ALDH1A2: variants seen among roughly 807,000 people sequenced by gnomAD.
ALDH1A2 encodes the protein aldehyde dehydrogenase 1 family member A2, also known as retinal dehydrogenase 2.
In ALDH1A2, 27 loss-of-function variants were observed where a neutral mutation model predicts 60.3. That is an observed-to-expected ratio of 0.45 (90% CI 0.33 to 0.62). The LOEUF (loss-of-function observed/expected upper bound fraction) is 0.62. Among genes scored for constraint, ALDH1A2 ranks in the 20% least tolerant of loss-of-function variants. The pLI, the probability that ALDH1A2 is intolerant of heterozygous loss-of-function variation, is 0.02. For missense variants in ALDH1A2, 581 were observed against 643.8 expected (o/e 0.90, Z 1.06); for synonymous variants, 289 against 232.4 (o/e 1.24, Z -2.21).
At chr15:57,975,730 A>G (rs1595627376) in intron 7 of ALDH1A2, among the ~76,000 whole-genome samples, 2 of 152,316 alleles carry the variant, frequency 1.3e-5, no homozygotes, top group African/African-American at 4.8e-5. Flanking sequence ...CAGCTAGACA[A>G]AAGAGTATAT....
chr15:58,006,214 G>T (rs9635350), intron 4 of ALDH1A2, among the ~76,000 whole-genome samples: 2 of 151,524 alleles, frequency 1.3e-5, no homozygotes, highest in African/African-American at 4.8e-5. Flanking sequence ...ACAGTCTTAC[G>T]CCTTTGCATC....
intron 1 of ALDH1A2, among the ~76,000 whole-genome samples, chr15:58,021,768 T>C (rs371363632): frequency 2.4e-4 from 37 of 152,252 alleles, no homozygotes; most frequent in African/African-American, 8.2e-4. Context: ...AAGCTGGGAG[T>C]GCTCCTGTAG....
At chr15:57,991,100 T>A (rs564455810) in intron 7 of ALDH1A2, among the ~76,000 whole-genome samples, 1 of 152,302 alleles carries the variant, frequency 6.6e-6, no homozygotes, top group South Asian at 2.1e-4. Context: ...TGGTTTCAAT[T>A]TCCTTAAAGT....
At chr15:57,976,937 T>G (rs954534645) in intron 7 of ALDH1A2, among the ~76,000 whole-genome samples, 2 of 152,226 alleles carry the variant, frequency 1.3e-5, no homozygotes, top group Non-Finnish European at 2.9e-5. Context: ...GTTTCCTGAC[T>G]TTTTAATGAT....
chr15:58,023,761 A>G (rs898528539), intron 1 of ALDH1A2, among the ~76,000 whole-genome samples: 16 of 152,168 alleles, frequency 1.1e-4, no homozygotes, highest in Non-Finnish European at 2.1e-4. Flanking sequence ...CAAAGACTGA[A>G]GGAATTCATT....
intron 1 of ALDH1A2, among the ~76,000 whole-genome samples, chr15:58,042,943 T>C (rs560914209): frequency 1.4e-4 from 21 of 152,122 alleles, no homozygotes; most frequent in Non-Finnish European, 2.8e-4. Context: ...TGTCATTTTA[T>C]AGTTTGTTAT....
chr15:58,002,972 G>GTA (rs1895324212), intron 4 of ALDH1A2, among the ~76,000 whole-genome samples: 1 of 151,866 alleles, frequency 6.6e-6, no homozygotes, highest in African/African-American at 2.4e-5. Flanking sequence ...CGCTGAAACT[G>GTA]TATGTTAGTA....
intron 7 of ALDH1A2, among the ~76,000 whole-genome samples, chr15:57,980,969 A>G (rs1894480763): frequency 6.6e-6 from 1 of 152,022 alleles, no homozygotes; most frequent in South Asian, 2.1e-4. Context: ...TTCAGAGCCT[A>G]TTGTTGGTCT....
intron 7 of ALDH1A2, among the ~76,000 whole-genome samples, chr15:57,984,530 C>T (rs542166054): frequency 1.5e-3 from 227 of 152,278 alleles, no homozygotes; most frequent in Middle Eastern, 3.4e-3. Context: ...CAGTCACTTT[C>T]CATTCTCCCA....
intron 12 of ALDH1A2, among the ~76,000 whole-genome samples, chr15:57,960,286 C>CA (rs1367314143): frequency 6.6e-6 from 1 of 152,028 alleles, no homozygotes; most frequent in Admixed American, 6.6e-5. Context: ...GGCATTTGCT[C>CA]AAAAAAATAG....
chr15:57,959,910 C>T (rs564907765), intron 12 of ALDH1A2, among the ~76,000 whole-genome samples: 9 of 152,104 alleles, frequency 5.9e-5, no homozygotes, highest in African/African-American at 2.2e-4. Flanking sequence ...CACACACTAC[C>T]GTTATTTTTC....
At chr15:58,056,105 T>C (rs1238159102) in intron 1 of ALDH1A2, among the ~76,000 whole-genome samples, 1 of 152,066 alleles carries the variant, frequency 6.6e-6, no homozygotes, top group East Asian at 1.9e-4. Context: ...TTCCAGATAA[T>C]GTAAGAAAGG....
chr15:58,050,878 A>G (rs1247662335), intron 1 of ALDH1A2, among the ~76,000 whole-genome samples: 1 of 152,194 alleles, frequency 6.6e-6, no homozygotes, highest in Admixed American at 6.5e-5. Flanking sequence ...TCTTTCATTT[A>G]TGCTGCAAAG....
chr15:58,023,297 T>C (rs1438063496), intron 1 of ALDH1A2, among the ~76,000 whole-genome samples: 6 of 152,174 alleles, frequency 3.9e-5, no homozygotes, highest in Non-Finnish European at 8.8e-5. Flanking sequence ...ACAGAGAATT[T>C]AAAGAATATA....
chr15:58,061,685 T>C (rs1239104465), intron 1 of ALDH1A2, among the ~76,000 whole-genome samples: 3 of 149,750 alleles, frequency 2.0e-5, no homozygotes, highest in Non-Finnish European at 4.4e-5. Flanking sequence ...TGTATGGTGA[T>C]GAAAACTATC....
chr15:58,024,542 A>T (rs758735322), intron 1 of ALDH1A2, among the ~76,000 whole-genome samples: 25 of 152,202 alleles, frequency 1.6e-4, no homozygotes, highest in Non-Finnish European at 3.1e-4. Context: ...TGTATCAAAC[A>T]CTGGAGCACC....
chr15:58,009,805 A>G (rs1022088629), intron 4 of ALDH1A2, among the ~76,000 whole-genome samples: 5 of 151,864 alleles, frequency 3.3e-5, no homozygotes, highest in Admixed American at 3.3e-4. Context: ...ACTTCGCCAG[A>G]CCTCTTTCCA....
chr15:57,981,459 A>G (rs186606979), intron 7 of ALDH1A2, among the ~76,000 whole-genome samples: 1 of 152,204 alleles, frequency 6.6e-6, no homozygotes, highest in Non-Finnish European at 1.5e-5. Context: ...TATTATTTGC[A>G]AATGGAAGTT....
At chr15:58,002,710 T>C (rs1344498159) in intron 4 of ALDH1A2, among the ~76,000 whole-genome samples, 1 of 151,938 alleles carries the variant, frequency 6.6e-6, no homozygotes, top group Non-Finnish European at 1.5e-5. Flanking sequence ...AAAACGATTT[T>C]ATTCAATAGC....
Sources: allele counts gnomAD v4.1 joint callset (sites outside exome capture counted in the v4.1 genomes callset), GRCh38; gene constraint gnomAD v4.1.1; transcripts MANE v1.5; gene names NCBI Gene and HGNC (gene_info 2026-07-23, HGNC 2026-07-21).